CTNND2: variants seen among roughly 807,000 people sequenced by gnomAD.
The protein encoded by CTNND2 is catenin delta-2.
Under a neutral mutation model 144.4 loss-of-function variants are expected in CTNND2, and 22 were observed. The observed-to-expected ratio is 0.15, with a 90% confidence interval of 0.11 to 0.22. The LOEUF (loss-of-function observed/expected upper bound fraction) is 0.22. CTNND2 is among the 10% of genes least tolerant of loss of function. CTNND2 has a pLI of 1.00. For missense variants in CTNND2, 1,353 were observed against 1,618.8 expected (o/e 0.84, Z 2.82); for synonymous variants, 751 against 695.6 (o/e 1.08, Z -1.25).
At chr5:11,817,578 G>A (rs867925128) in intron 1 of CTNND2, among the ~76,000 whole-genome samples, 9 of 152,110 alleles carry the variant, frequency 5.9e-5, no homozygotes, top group Middle Eastern at 3.4e-3. Flanking sequence ...GGGGGGAAGC[G>A]GAGGGGACAG....
chr5:10,978,170 G>A (rs531484740), intron 21 of CTNND2, among the ~76,000 whole-genome samples: 27 of 152,278 alleles, frequency 1.8e-4, no homozygotes, highest in East Asian at 5.8e-4. Context: ...TGTTCCAGGC[G>A]CAAAGTTCTG....
At chr5:11,305,851 G>A (rs909729919) in intron 9 of CTNND2, among the ~76,000 whole-genome samples, 1 of 152,224 alleles carries the variant, frequency 6.6e-6, no homozygotes, top group South Asian at 2.1e-4. Context: ...GAGAAACATG[G>A]GAGAATGTCC....
At position 11,328,167 on chromosome 5, in the gene CTNND2, T is replaced by C. The variant is rs143740150; in HGVS notation, c.1628+18205A>G. Among the ~76,000 whole-genome samples, 313 of 152,324 alleles carry C rather than the reference T, an allele frequency of 2.1e-3. 1 individual carries two copies. Among genetic ancestry groups the C allele is most frequent in the African/African-American group, 6.3e-3 (262 of 41,584 alleles). ...ATGTTTAATGACTTATATGGAAAAC[T>C]AGAAAAATGACTCTTTTTTCCAAAT... On this transcript the variant is annotated intron_variant, in intron 9 of 21. Transcript: ENST00000304623.
In CTNND2 at chr5:11,344,097, C is replaced by T. The variant is rs535174886; in HGVS notation, c.1628+2275G>A. Among the ~76,000 whole-genome samples the T allele has an allele frequency of 6.9e-4, 105 of 152,268 alleles. No homozygotes were observed. In the South Asian group the frequency reaches 0.016, roughly 23 times the overall value. ...TTGGACCTGAAGTTTAAATTTGGCA[C>T]GTCTCTCCATTAAATAAAAACATGT... is the stretch of plus-strand genomic sequence containing the variant. On this transcript the variant is annotated intron_variant, in intron 9 of 21. Coordinates refer to ENST00000304623, the MANE Select transcript of CTNND2 (RefSeq NM_001332.4).
At chr5:11,789,773 C>T (rs1251195977) in intron 1 of CTNND2, among the ~76,000 whole-genome samples, 1 of 152,160 alleles carries the variant, frequency 6.6e-6, no homozygotes, top group South Asian at 2.1e-4. Flanking sequence ...GGAAGTGATA[C>T]AAAGCATAAC....
At chr5:11,865,065 T>C (rs549979519) in intron 1 of CTNND2, among the ~76,000 whole-genome samples, 1 of 152,064 alleles carries the variant, frequency 6.6e-6, no homozygotes, top group East Asian at 1.9e-4. Flanking sequence ...CTGGCTAATT[T>C]TGTATTTTTA....
At chr5:11,470,346 A>G (rs536378902) in intron 3 of CTNND2, among the ~76,000 whole-genome samples, 2 of 152,200 alleles carry the variant, frequency 1.3e-5, no homozygotes, top group South Asian at 4.2e-4. Context: ...AGGCAGGAGG[A>G]TTGCTTGAAC....
At position 11,836,392 on chromosome 5, in the gene CTNND2, A is replaced by G. The variant is rs562980964; in HGVS notation, c.37+67425T>C. Among the ~76,000 whole-genome samples, 7 of 152,316 alleles carry G rather than the reference A, an allele frequency of 4.6e-5. No homozygotes were observed. In the South Asian group the frequency reaches 1.4e-3, roughly 32 times the overall value. On this transcript the variant is annotated intron_variant, in intron 1 of 21. Coordinates refer to ENST00000304623, the MANE Select transcript of CTNND2 (RefSeq NM_001332.4). ...ACTACTCTTTGACAGTGACTAGCTAATCAGTAGGCATGGTAGGGAAGACGT... is the reference window on the plus strand; with the variant it reads ...ACTACTCTTTGACAGTGACTAGCTAGTCAGTAGGCATGGTAGGGAAGACGT...
chr5:11,184,901 C>T (rs920516158), intron 11 of CTNND2, among the ~76,000 whole-genome samples: 13 of 152,176 alleles, frequency 8.5e-5, no homozygotes, highest in African/African-American at 2.9e-4. Context: ...TTTGAACCCG[C>T]AGCACTCGGA....
intron 9 of CTNND2, among the ~76,000 whole-genome samples, chr5:11,294,915 C>G (rs896112619): frequency 1.3e-5 from 2 of 152,134 alleles, no homozygotes; most frequent in African/African-American, 4.8e-5. Flanking sequence ...CCTTTGAAAA[C>G]TGGCACAAGA....
intron 2 of CTNND2, among the ~76,000 whole-genome samples, chr5:11,612,647 T>C (rs1235215584): frequency 2.0e-5 from 3 of 152,102 alleles, no homozygotes; most frequent in African/African-American, 7.2e-5. Context: ...TGCCTATAAT[T>C]CCAGCATTTT....
intron 1 of CTNND2, among the ~76,000 whole-genome samples, chr5:11,755,221 A>G (rs1324938370): frequency 6.6e-6 from 1 of 151,754 alleles, no homozygotes; most frequent in Non-Finnish European, 1.5e-5. Context: ...ACTGGATATG[A>G]AATTCTCCGT....
chr5:11,249,756 G>T (rs1424749104), intron 9 of CTNND2, among the ~76,000 whole-genome samples: 1 of 151,018 alleles, frequency 6.6e-6, no homozygotes, highest in African/African-American at 2.4e-5. Flanking sequence ...TTTGAGTGTG[G>T]TTATTTAGCC....
rs1754080618 is a variant in CTNND2, at chr5:11,339,995, C to T, written c.1628+6377G>A. ...TTGGAAGTGCAAGCTTTCAAGTTAC[C>T]ACTTTGTCCTGATTTGGGTGGGTGG... On this transcript the variant is annotated intron_variant, in intron 9 of 21. Coordinates refer to ENST00000304623, the MANE Select transcript of CTNND2 (RefSeq NM_001332.4). Among the ~76,000 whole-genome samples the T allele has an allele frequency of 2.0e-5, 3 of 152,278 alleles. 1 individual carries two copies. In the South Asian group the frequency reaches 6.2e-4, roughly 32 times the overall value.
chr5:11,050,773 C>T (rs1308647865), intron 16 of CTNND2, among the ~76,000 whole-genome samples: 1 of 152,198 alleles, frequency 6.6e-6, no homozygotes, highest in Non-Finnish European at 1.5e-5. Context: ...ATGGCCAGGA[C>T]GTGATTCATA....
In CTNND2 at chr5:11,313,792, G is replaced by A. The variant is rs564809684; in HGVS notation, c.1628+32580C>T. 1.0e-3 allele frequency among the ~76,000 whole-genome samples: 154 copies of A among 152,252 alleles called. 1 individual carries two copies. Among genetic ancestry groups the A allele is most frequent in the Non-Finnish European group, 1.7e-3 (113 of 68,032 alleles). On this transcript the variant is annotated intron_variant, in intron 9 of 21. Coordinates refer to ENST00000304623, the MANE Select transcript of CTNND2 (RefSeq NM_001332.4). ...AGAGGTTTAATTGGCTTATGGTTCC[G>A]CAGGCTGTACAGGAAGCATGGCTAA...
At chr5:11,184,319 A>C (rs564859955) in intron 11 of CTNND2, among the ~76,000 whole-genome samples, 31 of 152,362 alleles carry the variant, frequency 2.0e-4, no homozygotes, top group Non-Finnish European at 3.5e-4. Context: ...GAAACCAGAT[A>C]AGAGCGCATG....
chr5:11,723,573 G>A (rs73743035), intron 2 of CTNND2, among the ~76,000 whole-genome samples: 1,786 of 152,186 alleles, frequency 0.012, 28 homozygotes, highest in African/African-American at 0.041. Context: ...ATTAAGCAAC[G>A]CATTTACTTT....
intron 2 of CTNND2, among the ~76,000 whole-genome samples, chr5:11,671,862 T>C (rs1783890067): frequency 6.6e-6 from 1 of 152,150 alleles, no homozygotes; most frequent in Admixed American, 6.5e-5. Context: ...AGAGGTGTTC[T>C]GGTTTTTGGA....
Sources: allele counts gnomAD v4.1 joint callset (sites outside exome capture counted in the v4.1 genomes callset), GRCh38; gene constraint gnomAD v4.1.1; transcripts MANE v1.5; gene names NCBI Gene and HGNC (gene_info 2026-07-23, HGNC 2026-07-21).